The following MPRIP variants were observed in gnomAD, a reference collection of about 807,000 sequenced individuals.
The protein encoded by MPRIP is myosin phosphatase Rho interacting protein.
MPRIP carries 59 observed loss-of-function variants against 234.9 expected under a neutral mutation model. That is an observed-to-expected ratio of 0.25 (90% CI 0.20 to 0.31). The LOEUF (loss-of-function observed/expected upper bound fraction) is 0.31, where lower values mean the gene tolerates loss of function less well. MPRIP is among the 10% of genes least tolerant of loss of function. MPRIP has a pLI of 1.00. For synonymous variants in MPRIP, 1,144 were observed against 1,263.9 expected, an observed-to-expected ratio of 0.91 and a Z score of 2.01; for missense variants, 2,436 against 3,071.0, an observed-to-expected ratio of 0.79 and a Z score of 4.89.
rs766608608 is a variant in MPRIP at position 17,143,576 on chromosome 17, C to G, written c.1410C>G (p.Pro470=). ...CACAGGACTTCACCAATGAAGCCCCCCCAGCTCCTCTCCCAGACGCCTCGG... is the reference window on the plus strand; with the variant it reads ...CACAGGACTTCACCAATGAAGCCCCGCCAGCTCCTCTCCCAGACGCCTCGG... ...PRKRDFTNEA[P]PAPLPDASAS... is the part of the protein sequence containing the mutation. Residue 470 remains proline, a synonymous_variant, in exon 9 of 24, where the codon CCC becomes CCG. Coordinates refer to ENST00000651222, the MANE Select transcript of MPRIP (RefSeq NM_001364716.4). 6.2e-7 allele frequency: 1 copy of G among 1,600,306 alleles called. No individual in the cohort carries two copies. Among genetic ancestry groups the G allele is most frequent in the South Asian group, 1.1e-5 (1 of 87,900 alleles).
At chr17:17,051,258 C>G (rs2088531915) in intron 1 of MPRIP, among the ~76,000 whole-genome samples, 1 of 152,228 alleles carries the variant, frequency 6.6e-6, no homozygotes. Flanking sequence ...AAATTGTTCC[C>G]AAGCTGCCAC....
chr17:17,064,514 C>G (rs1027635480), intron 1 of MPRIP, among the ~76,000 whole-genome samples: 1 of 152,206 alleles, frequency 6.6e-6, no homozygotes, highest in Admixed American at 6.5e-5. Flanking sequence ...ATACTGACTA[C>G]AATGCAGAAA....
chr17:17,172,753 G>A lies in MPRIP; in HGVS notation c.6528G>A (p.Lys2176=). ...AGGAAATGGAGCGGGAGCTGGAGAA[G>A]AGCCAGCGGTCCCAGATCAGCAGCG... is the stretch of plus-strand genomic sequence containing the variant. ...HREEMERELE[K]SQRSQISSVN... Residue 2176 remains lysine, a synonymous_variant, in exon 18 of 24, where the codon AAG becomes AAA. Transcript: ENST00000651222. 6.2e-7 allele frequency: 1 copy of A among 1,612,382 alleles called. No homozygotes were observed.
intron 3 of MPRIP, among the ~76,000 whole-genome samples, chr17:17,098,704 TGGCTCCCAG>T (rs377425297): frequency 3.9e-5 from 6 of 152,238 alleles, no homozygotes; most frequent in African/African-American, 1.4e-4. Context: ...GGAAAGAAGC[TGGCTCCCAG>T]GGCTCCCAAG....
intron 1 of MPRIP, among the ~76,000 whole-genome samples, chr17:17,049,737 G>A (rs1332697421): frequency 6.6e-6 from 1 of 152,236 alleles, no homozygotes; most frequent in African/African-American, 2.4e-5. Context: ...ACTTAAAAAT[G>A]TAAAAGCCAT....
intron 16 of MPRIP, 165 bp from the exon 17 acceptor site, chr17:17,171,553 C>A: frequency 2.6e-6 from 2 of 763,174 alleles, no homozygotes; most frequent in Non-Finnish European, 4.3e-6. Context: ...AATCCCCAGA[C>A]AGCCCCAGGG....
At chr17:17,149,950 G>A in intron 11 of MPRIP, 194 bp from the exon 12 acceptor site, 2 of 535,836 alleles carry the variant, frequency 3.7e-6, no homozygotes, top group South Asian at 2.1e-5. Flanking sequence ...CTGGATACAG[G>A]GACAGATGGT....
intron 3 of MPRIP, among the ~76,000 whole-genome samples, chr17:17,100,261 G>A (rs1597803019): frequency 6.6e-6 from 1 of 152,194 alleles, no homozygotes; most frequent in East Asian, 1.9e-4. Context: ...GAATCACCAA[G>A]TTCAGTCTGG....
intron 1 of MPRIP, among the ~76,000 whole-genome samples, chr17:17,045,987 A>G (rs2088336876): frequency 6.6e-6 from 1 of 152,040 alleles, no homozygotes. Flanking sequence ...TTGTATTTTT[A>G]GTAGAGACGA....
intron 3 of MPRIP, among the ~76,000 whole-genome samples, chr17:17,096,290 T>G (rs1350702622): frequency 0.016 from 22 of 1,400 alleles, no homozygotes; most frequent in Non-Finnish European, 0.045. Context: ...GTGTGCAGGG[T>G]GTGTGTGTGT....
chr17:17,183,307 CCGG>C (rs2046410922), intron 23 of MPRIP: 1 of 152,278 alleles, frequency 6.6e-6, no homozygotes, highest in South Asian at 2.1e-4. Context: ...GCTCCGCCTC[CCGG>C]GTTCACGCCA....
chr17:17,118,251 C>T (rs1387879248), intron 3 of MPRIP, among the ~76,000 whole-genome samples: 5 of 152,378 alleles, frequency 3.3e-5, no homozygotes, highest in African/African-American at 1.2e-4. Context: ...TCTAACAAAT[C>T]ACAAGCCTCT....
rs2088207333 is a variant in MPRIP, at chr17:17,042,668, C to T, written c.-181C>T. ...TGGGCGTCGCGCGCGCTGTGAGGCC[C>T]GGGCGGCTCAGGAGCCTCGGCGCGT... On this transcript the variant is annotated 5_prime_UTR_variant, in exon 1 of 24. Transcript: ENST00000651222. The T allele has an allele frequency of 1.2e-5, 7 of 570,198 alleles. No homozygotes were observed. The highest frequency in any genetic ancestry group is 1.3e-5 in the Non-Finnish European group (6 of 453,354). 35.3% of individuals were successfully genotyped at this position (570,198 alleles called of 1,614,324 possible).
Position 17,185,532 on chromosome 17 carries a change from G to A in MPRIP, c.*638G>A. 8.8e-6 allele frequency: 4 copies of A among 457,002 alleles called. No individual in the cohort carries two copies. The highest frequency in any genetic ancestry group is 1.3e-5 in the Non-Finnish European group (3 of 227,052). The allele number at this position is 457,002 out of a possible 1,614,324, so 28.3% of individuals were successfully genotyped here. On this transcript the variant is annotated 3_prime_UTR_variant, in exon 24 of 24. Transcript: ENST00000651222. ...GTTGAAAGCAACCATTCCTATTTTT[G>A]TTTGTTTTTTATTAAATCTTGCACA...
At position 17,164,852 on chromosome 17, in the gene MPRIP, G is replaced by A. The variant is rs1295210875; in HGVS notation, c.3261G>A (p.Glu1087=). 7 of 1,304,114 alleles carry A rather than the reference G, an allele frequency of 5.4e-6. No individual in the cohort carries two copies. Among genetic ancestry groups the A allele is most frequent in the Non-Finnish European group, 7.1e-6 (7 of 988,934 alleles). The allele number at this position is 1,304,114 out of a possible 1,614,324, so 80.8% of individuals were successfully genotyped here. ...EQVHQLEEQL[E]AREASVRRLA... ...TGCACCAGCTGGAGGAGCAGCTGGAGGCACGAGAGGCCAGCGTGCGCAGGC... is the reference window on the plus strand; with the variant it reads ...TGCACCAGCTGGAGGAGCAGCTGGAAGCACGAGAGGCCAGCGTGCGCAGGC... The change falls in exon 16 of 24, where the codon GAG becomes GAA. Residue 1087 remains glutamate (E), a synonymous_variant. Coordinates refer to ENST00000651222, the MANE Select transcript of MPRIP (RefSeq NM_001364716.4).
At position 17,166,376 on chromosome 17, in the gene MPRIP, T is replaced by A. The variant is rs1463719644; in HGVS notation, c.4785T>A (p.His1595Gln). 1 of 1,292,262 alleles carries A rather than the reference T, an allele frequency of 7.7e-7. No individual in the cohort carries two copies. Among genetic ancestry groups the A allele is most frequent in the African/African-American group, 1.5e-5 (1 of 65,662 alleles). 80.0% of individuals were successfully genotyped at this position (1,292,262 alleles called of 1,614,324 possible). The change falls in exon 16 of 24, where the codon CAT (histidine) becomes CAA (glutamine). Residue 1595 changes from histidine to glutamine, a missense_variant. Around this residue, in one of 4 missense-constraint regions of MPRIP, gnomAD observed 1,998 missense variants for 2,520.3 expected, o/e 0.79. Coordinates refer to ENST00000651222, the MANE Select transcript of MPRIP (RefSeq NM_001364716.4). This position sits in a 1 kb window ranked among gnomAD's most constrained non-coding sequence, Gnocchi z 4.4. ...CATCAGATGTCTCCCGAATGCTCCATGAGATTTCTTGGTCAGGACAGCCAC... is the reference window on the plus strand; with the variant it reads ...CATCAGATGTCTCCCGAATGCTCCAAGAGATTTCTTGGTCAGGACAGCCAC... The part of the protein sequence containing the change: ...NTTSDVSRML[H>Q]EISWSGQPPM...
At chr17:17,136,481 C>T (rs770368678) in intron 6 of MPRIP, 31 bp downstream of exon 6, 187 of 1,580,162 alleles carry the variant, frequency 1.2e-4, no homozygotes, top group Admixed American at 3.1e-4. Context: ...CTTGTATGCA[C>T]GGGAATGGCC....
intron 1 of MPRIP, among the ~76,000 whole-genome samples, chr17:17,063,152 G>T (rs2088917866): frequency 6.6e-6 from 1 of 152,248 alleles, no homozygotes; most frequent in Non-Finnish European, 1.5e-5. Context: ...CAGAGGTGCA[G>T]TGCAGCCTGG....
At chr17:17,152,096 G>A (rs2045615449) in intron 12 of MPRIP, among the ~76,000 whole-genome samples, 1 of 152,282 alleles carries the variant, frequency 6.6e-6, no homozygotes, top group Non-Finnish European at 1.5e-5. Context: ...CCAGCCCACT[G>A]GGCTGCTGGC....
Sources: gnomAD v4.1 joint callset for allele counts (sites outside exome capture counted in the v4.1 genomes callset) on GRCh38, gnomAD v4.1.1 for gene constraint, gnomAD v4.1.1 regional missense constraint, Gnocchi (gnomAD v3.1) non-coding constraint, MANE v1.5 for transcripts, NCBI Gene and HGNC (gene_info 2026-07-23, HGNC 2026-07-21) for gene names.